TRIO: variants seen among roughly 807,000 people sequenced by gnomAD.
TRIO encodes trio Rho guanine nucleotide exchange factor.
A neutral mutation model predicts 351.9 loss-of-function variants in TRIO; 58 were observed. The ratio of observed to expected loss-of-function variants is 0.16; its 90% CI spans 0.13 to 0.21. TRIO has a LOEUF of 0.21. TRIO is among the 10% of genes least tolerant of loss of function. The pLI is 1.00. For missense variants in TRIO, 3,201 were observed against 4,027.8 expected, an observed-to-expected ratio of 0.79 and a Z score of 5.56; for synonymous variants, 1,758 against 1,595.7, an observed-to-expected ratio of 1.10 and a Z score of -2.42.
intron 9 of TRIO, among the ~76,000 whole-genome samples, chr5:14,325,067 T>A (rs896763396): frequency 6.6e-6 from 1 of 152,218 alleles, no homozygotes; most frequent in African/African-American, 2.4e-5. Flanking sequence ...TAAATAGAGC[T>A]GATGGCAATG....
chr5:14,290,743 A>G lies in TRIO; in HGVS notation c.568A>G (p.Thr190Ala). ...ETNMVSLEGL[T>A]KVVDPSQLTP... Reference sequence around the variant, plus strand: ...AAATATGGTCTCTTTAGAAGGCCTTACCAAAGTAGTTGATCCTTCTCAGCT... The same window carrying G: ...AAATATGGTCTCTTTAGAAGGCCTTGCCAAAGTAGTTGATCCTTCTCAGCT... The change falls in exon 5 of 57, where the codon ACC becomes GCC. Residue 190 changes from threonine (T) to alanine (A), a missense_variant. Physicochemically the swap from Thr to Ala is moderately conservative, Grantham distance 58. Coordinates refer to ENST00000344204, the MANE Select transcript of TRIO (RefSeq NM_007118.4). 6.2e-7 allele frequency: 1 copy of G among 1,613,644 alleles called. No individual in the cohort carries two copies.
intron 29 of TRIO, among the ~76,000 whole-genome samples, chr5:14,398,365 A>G (rs1747788718): frequency 6.6e-6 from 1 of 152,236 alleles, no homozygotes; most frequent in Non-Finnish European, 1.5e-5. Context: ...ATGGGCAGCC[A>G]GGGACTTCTC....
chr5:14,280,499 C>A, intron 3 of TRIO, 63 bp downstream of exon 3: 1 of 1,429,770 alleles, frequency 7.0e-7, no homozygotes, highest in Non-Finnish European at 9.8e-7. Flanking sequence ...TGGCGCTATA[C>A]TCGTTAGAAA....
chr5:14,505,072 G>A (rs982580001), intron 55 of TRIO, among the ~76,000 whole-genome samples: 2 of 152,250 alleles, frequency 1.3e-5, no homozygotes, highest in East Asian at 3.8e-4. Flanking sequence ...AATGTCCTCC[G>A]AAGAGGGGGC....
chr5:14,191,060 C>T (rs1461719816), intron 1 of TRIO, among the ~76,000 whole-genome samples: 8 of 151,980 alleles, frequency 5.3e-5, no homozygotes, highest in Non-Finnish European at 8.8e-5. Flanking sequence ...TGCTGTGACC[C>T]GCAGACCTCA....
intron 34 of TRIO, chr5:14,441,071 G>A (rs942352332): frequency 3.5e-4 from 53 of 152,366 alleles, no homozygotes; most frequent in Non-Finnish European, 6.2e-4. Flanking sequence ...GGCTGGCGCC[G>A]GCCGCTGAGC....
At chr5:14,455,156 T>C (rs538432346) in intron 34 of TRIO, among the ~76,000 whole-genome samples, 62 of 152,246 alleles carry the variant, frequency 4.1e-4, no homozygotes, top group African/African-American at 1.2e-3. Context: ...GCTTCCACAG[T>C]GTGGAAGGGG....
At chr5:14,485,003 GTGGACACA>G in intron 46 of TRIO, 58 bp from the exon 47 acceptor site, 2 of 1,445,196 alleles carry the variant, frequency 1.4e-6, no homozygotes, top group Non-Finnish European at 1.8e-6. Context: ...TCATCGGTCA[GTGGACACA>G]TGGTTTGCTT....
intron 11 of TRIO, among the ~76,000 whole-genome samples, chr5:14,344,950 T>G (rs1162311742): frequency 6.6e-6 from 1 of 152,228 alleles, no homozygotes; most frequent in South Asian, 2.1e-4. Flanking sequence ...AGTATTTAGA[T>G]CTTAGATCCC....
intron 1 of TRIO, among the ~76,000 whole-genome samples, chr5:14,215,519 G>C (rs1475792720): frequency 6.6e-6 from 1 of 152,132 alleles, no homozygotes; most frequent in Non-Finnish European, 1.5e-5. Flanking sequence ...ATGGCCTTGA[G>C]AACTTCTGCA....
intron 34 of TRIO, among the ~76,000 whole-genome samples, chr5:14,427,137 G>A (rs1377047660): frequency 2.0e-5 from 3 of 152,134 alleles, no homozygotes; most frequent in African/African-American, 7.2e-5. Context: ...TCAACACCCA[G>A]ATGACCGTGC....
chr5:14,358,490 G>T, intron 12 of TRIO, 143 bp downstream of exon 12: 1 of 845,710 alleles, frequency 1.2e-6, no homozygotes, highest in Non-Finnish European at 1.8e-6. Flanking sequence ...AGGCAAAGGA[G>T]AGAGAAACGG....
rs957824211 is a variant in TRIO at position 14,487,833 on chromosome 5, C to T, written c.7205C>T (p.Ser2402Phe). 5 of 1,513,134 alleles carry T rather than the reference C, an allele frequency of 3.3e-6. No homozygotes were observed. The highest frequency in any genetic ancestry group is 3.5e-6 in the Non-Finnish European group (4 of 1,130,190). 93.7% of individuals were successfully genotyped at this position (1,513,134 alleles called of 1,614,324 possible). Residue 2402 changes from serine to phenylalanine, a missense_variant, in exon 48 of 57, where the codon TCC becomes TTC. Around this residue, in one of 19 missense-constraint regions of TRIO, gnomAD observed 1,089 missense variants for 954.9 expected, o/e 1.14. Transcript: ENST00000344204. ...RRPPGADAEG[S>F]EREAEPIPKM... is the part of the protein sequence containing the mutation. ...CCCCCCGGCGCGGACGCCGAGGGGT[C>T]CGAGCGAGAAGCGGAGCCGATCCCC...
chr5:14,410,303 C>G (rs6894866), intron 33 of TRIO, among the ~76,000 whole-genome samples: 18,552 of 152,124 alleles, frequency 0.12, 1,689 homozygotes, highest in African/African-American at 0.26. Context: ...GCTTATGTGA[C>G]GTTTTCTCTT....
intron 18 of TRIO, among the ~76,000 whole-genome samples, chr5:14,371,729 C>T (rs1248619431): frequency 6.6e-6 from 1 of 151,264 alleles, no homozygotes; most frequent in Non-Finnish European, 1.5e-5. Flanking sequence ...CAGCTTTAGA[C>T]TCCTGGGCTT....
rs749125709 is a variant in TRIO at position 14,461,137 on chromosome 5, C to T, written c.5322C>T (p.Arg1774=). 6.4e-7 allele frequency: 1 copy of T among 1,556,248 alleles called. No homozygotes were observed. Among genetic ancestry groups the T allele is most frequent in the Non-Finnish European group, 8.7e-7 (1 of 1,150,764 alleles). Residue 1774 remains arginine, a synonymous_variant, in exon 35 of 57, where the codon CGC becomes CGT. Coordinates refer to ENST00000344204, the MANE Select transcript of TRIO (RefSeq NM_007118.4). The stretch of plus-strand genomic sequence containing the variant: ...CCAAGCGGCCGGGCAACACCCTGCG[C>T]AAGTGGCTCACCAGCCCCGTGCGGC... ...PGPKRPGNTL[R]KWLTSPVRRL...
At chr5:14,499,550 G>C (rs958402429) in intron 53 of TRIO, among the ~76,000 whole-genome samples, 2 of 152,158 alleles carry the variant, frequency 1.3e-5, no homozygotes, top group Non-Finnish European at 2.9e-5. Context: ...TAGAACTTTT[G>C]TCCCAGATAT....
chr5:14,374,148 G>A (rs1481880654), intron 18 of TRIO, 81 bp from the exon 19 acceptor site: 12 of 964,630 alleles, frequency 1.2e-5, no homozygotes, highest in East Asian at 1.1e-4. Context: ...AAAGACATAC[G>A]TTAGAGTGCA....
At chr5:14,486,039 G>A (rs1041728170) in intron 47 of TRIO, among the ~76,000 whole-genome samples, 2 of 151,916 alleles carry the variant, frequency 1.3e-5, no homozygotes, top group Non-Finnish European at 2.9e-5. Context: ...GTGACTTGAG[G>A]GATTGCAGAG....
Sources: gnomAD v4.1 joint callset for allele counts (sites outside exome capture counted in the v4.1 genomes callset) on GRCh38, gnomAD v4.1.1 for gene constraint, gnomAD v4.1.1 regional missense constraint, MANE v1.5 for transcripts, NCBI Gene and HGNC (gene_info 2026-07-23, HGNC 2026-07-21) for gene names.